Variants in SV2C observed in about 807,000 individuals in gnomAD.
SV2C encodes the protein synaptic vesicle glycoprotein 2C, also known as solute carrier family 22 member B3.
Under a neutral mutation model 79.7 loss-of-function variants are expected in SV2C, and 49 were observed. The ratio of observed to expected loss-of-function variants is 0.61; its 90% confidence interval spans 0.49 to 0.78. The LOEUF (loss-of-function observed/expected upper bound fraction) is 0.78, where lower values mean the gene tolerates loss of function less well. Among genes scored for constraint, SV2C ranks in the 30% least tolerant of loss-of-function variants. The pLI, the probability that SV2C is intolerant of heterozygous loss-of-function variation, is 0.00. For synonymous variants in SV2C, 334 were observed against 333.2 expected (o/e 1.00, Z -0.03); for missense variants, 833 against 912.9 (o/e 0.91, Z 1.13).
At position 76,327,432 on chromosome 5, in the gene SV2C, A is replaced by T. The variant is rs555410928; in HGVS notation, c.*1885A>T. ...TACCAACCGCACAGGGAAAGAAACAACTTTCTCTCACTTCTGCCTCCTATC... is the reference window on the plus strand; with the variant it reads ...TACCAACCGCACAGGGAAAGAAACATCTTTCTCTCACTTCTGCCTCCTATC... On this transcript the variant is annotated 3_prime_UTR_variant, in exon 13 of 13. Coordinates refer to ENST00000502798, the MANE Select transcript of SV2C (RefSeq NM_014979.4). 1 of 152,302 alleles carries T rather than the reference A, an allele frequency of 6.6e-6. No individual in the cohort carries two copies. The highest frequency in any genetic ancestry group is 2.1e-4 in the South Asian group (1 of 4,824). The allele number at this position is 152,302 out of a possible 1,614,324, so 9.4% of individuals were successfully genotyped here.
the SV2C span, among the ~76,000 whole-genome samples, chr5:75,997,595 C>T: frequency 1.3e-5 from 2 of 152,152 alleles, no homozygotes; most frequent in African/African-American, 4.8e-5. Context: ...AAAAAATGCT[C>T]ATCATCACTG....
At chr5:75,858,553 G>A in the SV2C span, among the ~76,000 whole-genome samples, 2 of 152,170 alleles carry the variant, frequency 1.3e-5, no homozygotes, top group African/African-American at 4.8e-5. Context: ...GGGACATTGG[G>A]CTGTAATTGT....
chr5:76,123,285 T>C (rs1748593045), intron 1 of SV2C, among the ~76,000 whole-genome samples: 1 of 152,204 alleles, frequency 6.6e-6, no homozygotes, highest in South Asian at 2.1e-4. Context: ...CACAGCCGAA[T>C]TCTACCAGAG....
rs1446780782 is a variant in SV2C at position 76,195,003 on chromosome 5, T to A, written c.665T>A (p.Leu222Gln). 1 of 1,613,972 alleles carries A rather than the reference T, an allele frequency of 6.2e-7. No homozygotes were observed. The highest frequency in any genetic ancestry group is 1.3e-5 in the African/African-American group (1 of 74,912). ...AAAGTGGGAAGGAAACAGTCTCTTC[T>A]GATTTGCATGTCTGTCAACGGATTC... ...ADKVGRKQSL[L>Q]ICMSVNGFFA... Residue 222 changes from leucine (L) to glutamine (Q), a missense_variant, in exon 3 of 13, where the codon CTG becomes CAG. Transcript: ENST00000502798.
rs1312179761 is a variant in SV2C at position 76,171,414 on chromosome 5, C to T, written c.581-23505C>T. Among the ~76,000 whole-genome samples, 246 of 90,082 alleles carry T rather than the reference C, an allele frequency of 2.7e-3. 1 individual carries two copies. The highest frequency in any genetic ancestry group is 8.3e-3 in the African/African-American group (209 of 25,090). 59.1% of individuals were successfully genotyped at this position (90,082 alleles called of 152,430 possible). A position where few individuals can be genotyped will look rare whatever the true frequency, so the allele number is the denominator to read the frequency against. On this transcript the variant is annotated intron_variant, in intron 2 of 12. Transcript: ENST00000502798. ...GCCGCCCCATCTGGGATGTGAGGAGCGCCTCTGCCCGGCCGAGACCCCGTC... is the reference window on the plus strand; with the variant it reads ...GCCGCCCCATCTGGGATGTGAGGAGTGCCTCTGCCCGGCCGAGACCCCGTC...
chr5:76,062,917 A>G, the SV2C span, among the ~76,000 whole-genome samples: 1 of 152,188 alleles, frequency 6.6e-6, no homozygotes, highest in Non-Finnish European at 1.5e-5. Context: ...TTTTCTGACC[A>G]CGAAGCAGGC....
the SV2C span, among the ~76,000 whole-genome samples, chr5:75,919,202 C>T: frequency 6.6e-6 from 1 of 152,186 alleles, no homozygotes; most frequent in African/African-American, 2.4e-5. Context: ...GACTGGATAG[C>T]ATGATGATCC....
intron 2 of SV2C, among the ~76,000 whole-genome samples, chr5:76,154,835 A>G (rs1331632126): frequency 6.6e-6 from 1 of 152,236 alleles, no homozygotes; most frequent in Non-Finnish European, 1.5e-5. Context: ...ACAAAACCAC[A>G]GGAACAATCT....
chr5:75,974,771 G>A, the SV2C span, among the ~76,000 whole-genome samples: 7,886 of 152,160 alleles, frequency 0.052, 649 homozygotes, highest in African/African-American at 0.17. Flanking sequence ...TACCTATAGC[G>A]TATAGGGTTA....
At chr5:76,324,456 A>G (rs955376925) in intron 12 of SV2C, among the ~76,000 whole-genome samples, 1 of 152,188 alleles carries the variant, frequency 6.6e-6, no homozygotes, top group Non-Finnish European at 1.5e-5. Context: ...CACACTGAGC[A>G]GAGGTGACCT....
chr5:76,132,139 A>T lies in SV2C; in HGVS notation c.389A>T (p.Asp130Val). ...RRELESERRA[D>V]EEELAQQYEL... Reference sequence around the variant, plus strand: ...GAGCTGGAATCAGAAAGGAGAGCTGACGAGGAAGAGTTAGCCCAGCAGTAT... The same window carrying T: ...GAGCTGGAATCAGAAAGGAGAGCTGTCGAGGAAGAGTTAGCCCAGCAGTAT... Residue 130 changes from aspartate (D) to valine (V), a missense_variant, in exon 2 of 13, where the codon GAC (aspartate) becomes GTC (valine). Coordinates refer to ENST00000502798, the MANE Select transcript of SV2C (RefSeq NM_014979.4). The T allele has an allele frequency of 1.9e-6, 3 of 1,614,146 alleles. No individual in the cohort carries two copies. Among genetic ancestry groups the T allele is most frequent in the Non-Finnish European group, 2.5e-6 (3 of 1,180,004 alleles).
chr5:75,956,689 A>C, the SV2C span, among the ~76,000 whole-genome samples: 2 of 151,952 alleles, frequency 1.3e-5, no homozygotes, highest in Admixed American at 6.6e-5. Context: ...ACTACACCAA[A>C]GTCAGGGAGT....
At chr5:76,353,802 C>T (rs1561330759) in exon 13 of SV2C, 2 of 152,210 alleles carry the variant, frequency 1.3e-5, no homozygotes, top group Non-Finnish European at 2.9e-5. Context: ...AAATGTCCCT[C>T]TGCCCCACCC....
the SV2C span, among the ~76,000 whole-genome samples, chr5:75,869,223 T>A: frequency 6.6e-6 from 1 of 152,008 alleles, no homozygotes; most frequent in Non-Finnish European, 1.5e-5. Context: ...GGGGTCCTGA[T>A]TGGCTCTTGG....
intron 12 of SV2C, among the ~76,000 whole-genome samples, chr5:76,320,882 A>G (rs573741911): frequency 1.3e-5 from 2 of 152,312 alleles, no homozygotes; most frequent in South Asian, 4.2e-4. Context: ...CTCTTCCCAC[A>G]TTCCAAACAG....
intron 4 of SV2C, among the ~76,000 whole-genome samples, chr5:76,220,847 A>G (rs962061038): frequency 2.6e-5 from 4 of 152,158 alleles, no homozygotes; most frequent in African/African-American, 9.7e-5. Context: ...TCTAGGCAGC[A>G]CAAAGTGGGA....
At chr5:76,109,103 T>G (rs534609377) in intron 1 of SV2C, among the ~76,000 whole-genome samples, 2 of 152,336 alleles carry the variant, frequency 1.3e-5, no homozygotes, top group South Asian at 4.1e-4. Context: ...AGGACTAATT[T>G]CCAAGCCTTA....
the SV2C span, among the ~76,000 whole-genome samples, chr5:76,069,578 G>A: frequency 6.6e-6 from 1 of 152,150 alleles, no homozygotes; most frequent in African/African-American, 2.4e-5. Context: ...CCCAGGTTGG[G>A]CCTTTCAGAC....
chr5:76,237,987 CACACATACAT>C (rs1231559709), intron 4 of SV2C, among the ~76,000 whole-genome samples: 5 of 141,246 alleles, frequency 3.5e-5, no homozygotes, highest in African/African-American at 1.2e-4. Flanking sequence ...CACACACACA[CACACATACAT>C]ACATACATAC....
Sources: gnomAD v4.1 joint callset for allele counts (sites outside exome capture counted in the v4.1 genomes callset) on GRCh38, gnomAD v4.1.1 for gene constraint, MANE v1.5 for transcripts, NCBI Gene and HGNC (gene_info 2026-07-23, HGNC 2026-07-21) for gene names.